The following NXPH1 variants were observed in gnomAD, a reference collection of about 807,000 sequenced individuals.
NXPH1 encodes the protein neurexophilin 1.
In NXPH1, 5 loss-of-function variants were observed where a neutral mutation model predicts 23.7. The ratio of observed to expected loss-of-function variants is 0.21; its 90% CI spans 0.11 to 0.44. NXPH1 has a LOEUF of 0.44. NXPH1 is among the 20% of genes least tolerant of loss of function. The pLI is 0.99. For missense variants in NXPH1, 324 were observed against 321.6 expected, an observed-to-expected ratio of 1.01 and a Z score of -0.06; for synonymous variants, 144 against 122.2, an observed-to-expected ratio of 1.18 and a Z score of -1.18.
intron 2 of NXPH1, among the ~76,000 whole-genome samples, chr7:8,723,462 G>C (rs1780001416): frequency 6.6e-6 from 1 of 152,142 alleles, no homozygotes; most frequent in African/African-American, 2.4e-5. Flanking sequence ...ATAGTTTTAT[G>C]CTCATCTAGG....
chr7:8,654,738 G>C (rs1010702479), intron 2 of NXPH1, among the ~76,000 whole-genome samples: 8 of 152,152 alleles, frequency 5.3e-5, no homozygotes, highest in African/African-American at 1.9e-4. Context: ...TGCTCTAGGT[G>C]GGACACCCCT....
chr7:8,555,266 A>G (rs976915261), intron 2 of NXPH1, among the ~76,000 whole-genome samples: 1 of 151,684 alleles, frequency 6.6e-6, no homozygotes, highest in African/African-American at 2.4e-5. Context: ...GCATTTGTGA[A>G]TCAACTAAGA....
At chr7:8,441,924 AGGGGGTCTGT>A (rs1816307842) in intron 2 of NXPH1, among the ~76,000 whole-genome samples, 1 of 2,628 alleles carries the variant, frequency 3.8e-4, no homozygotes, top group African/African-American at 2.2e-3. Context: ...GGGAGCCGGC[AGGGGGTCTGT>A]GGGGGTGGGC....
chr7:8,630,857 A>G (rs1456753186), intron 2 of NXPH1, among the ~76,000 whole-genome samples: 2 of 152,164 alleles, frequency 1.3e-5, no homozygotes, highest in African/African-American at 4.8e-5. Context: ...TTTGTTGTAC[A>G]GGATATTTCA....
intron 2 of NXPH1, among the ~76,000 whole-genome samples, chr7:8,718,830 A>T (rs549645371): frequency 6.6e-6 from 1 of 152,104 alleles, no homozygotes; most frequent in Admixed American, 6.5e-5. Context: ...ATTTTATAAC[A>T]CCCTTTTTGT....
At chr7:8,726,372 G>A (rs533117849) in intron 2 of NXPH1, among the ~76,000 whole-genome samples, 92 of 149,500 alleles carry the variant, frequency 6.2e-4, no homozygotes, top group East Asian at 3.3e-3. Context: ...TTTAGGGTAC[G>A]TGTGCACAAT....
intron 2 of NXPH1, among the ~76,000 whole-genome samples, chr7:8,676,944 C>T (rs910176206): frequency 3.3e-5 from 5 of 152,186 alleles, no homozygotes; most frequent in African/African-American, 1.2e-4. Context: ...TGCAGAAATG[C>T]TAACCCTGCT....
At chr7:8,541,812 A>T (rs1445433903) in intron 2 of NXPH1, among the ~76,000 whole-genome samples, 1 of 151,688 alleles carries the variant, frequency 6.6e-6, no homozygotes, top group Non-Finnish European at 1.5e-5. Flanking sequence ...AAACTGTGAT[A>T]AGTTAAAGAT....
intron 2 of NXPH1, among the ~76,000 whole-genome samples, chr7:8,526,730 C>T (rs537289289): frequency 4.1e-4 from 63 of 152,236 alleles, no homozygotes; most frequent in African/African-American, 1.4e-3. Context: ...GCCACTGCCT[C>T]GAAAGAAGTG....
At chr7:8,667,558 C>A (rs1384791808) in intron 2 of NXPH1, among the ~76,000 whole-genome samples, 1 of 151,502 alleles carries the variant, frequency 6.6e-6, no homozygotes, top group African/African-American at 2.4e-5. Flanking sequence ...CTGATTCTAG[C>A]CTGATTGGAA....
chr7:8,687,708 C>T (rs956308575), intron 2 of NXPH1, among the ~76,000 whole-genome samples: 15 of 152,108 alleles, frequency 9.9e-5, no homozygotes, highest in Admixed American at 2.0e-4. Flanking sequence ...GAGATTTTTA[C>T]GGAGCAATAT....
chr7:8,694,197 A>G (rs2115185340), intron 2 of NXPH1, among the ~76,000 whole-genome samples: 1 of 152,252 alleles, frequency 6.6e-6, no homozygotes, highest in East Asian at 1.9e-4. Context: ...GCATGTCATG[A>G]AAGTGCTCAT....
At chr7:8,636,683 G>C (rs540888051) in intron 2 of NXPH1, among the ~76,000 whole-genome samples, 10 of 152,218 alleles carry the variant, frequency 6.6e-5, no homozygotes, top group African/African-American at 2.4e-4. Context: ...TTTTGCCATG[G>C]GCATGGGAAG....
At chr7:8,497,975 C>T (rs1430001373) in intron 2 of NXPH1, among the ~76,000 whole-genome samples, 3 of 152,038 alleles carry the variant, frequency 2.0e-5, no homozygotes, top group African/African-American at 4.8e-5. Context: ...AGGTTTTCTT[C>T]TAGGGAATAA....
At chr7:8,469,699 C>T (rs1029683155) in intron 2 of NXPH1, among the ~76,000 whole-genome samples, 4 of 152,084 alleles carry the variant, frequency 2.6e-5, no homozygotes, top group African/African-American at 9.7e-5. Context: ...GATTGAAATG[C>T]ACACTATGAT....
At chr7:8,660,543 A>C (rs13226671) in intron 2 of NXPH1, among the ~76,000 whole-genome samples, 3 of 152,240 alleles carry the variant, frequency 2.0e-5, no homozygotes, top group African/African-American at 7.2e-5. Context: ...AGTTTTAAAA[A>C]TGAATAAGGC....
chr7:8,455,424 T>C (rs1055035515), intron 2 of NXPH1, among the ~76,000 whole-genome samples: 1 of 152,148 alleles, frequency 6.6e-6, no homozygotes, highest in Non-Finnish European at 1.5e-5. Flanking sequence ...GTGGTGCCAT[T>C]GAAAAAGGAA....
chr7:8,678,609 T>C (rs750059072), intron 2 of NXPH1, among the ~76,000 whole-genome samples: 5 of 152,102 alleles, frequency 3.3e-5, no homozygotes, highest in Non-Finnish European at 7.4e-5. Flanking sequence ...CAAAAATCTC[T>C]TATTAATCTC....
In NXPH1 at chr7:8,751,773, T is replaced by A. The variant is rs1191610653; in HGVS notation, c.*4T>A. Reference sequence around the variant, plus strand: ...ACCTTACTTTCCCTCGGGATGAAGGTGAACATGGGGGTGAGACTGAAGCCT... The same window carrying A: ...ACCTTACTTTCCCTCGGGATGAAGGAGAACATGGGGGTGAGACTGAAGCCT... On this transcript the variant is annotated 3_prime_UTR_variant, in exon 3 of 3. Coordinates refer to ENST00000405863, the MANE Select transcript of NXPH1 (RefSeq NM_152745.3). The surrounding 1 kb of genome is among the most constrained non-coding windows in gnomAD (Gnocchi z 4.5). The A allele has an allele frequency of 1.2e-6, 2 of 1,603,758 alleles. No homozygotes were observed. Among genetic ancestry groups the A allele is most frequent in the Non-Finnish European group, 1.7e-6 (2 of 1,175,166 alleles).
Sources: gnomAD v4.1 joint callset for allele counts (sites outside exome capture counted in the v4.1 genomes callset) on GRCh38, gnomAD v4.1.1 for gene constraint, Gnocchi (gnomAD v3.1) non-coding constraint, MANE v1.5 for transcripts, NCBI Gene and HGNC (gene_info 2026-07-23, HGNC 2026-07-21) for gene names.